Variants in KSR2 observed in about 807,000 individuals in gnomAD.
KSR2 encodes the protein kinase suppressor of ras 2.
KSR2 carries 25 observed loss-of-function variants against 107.8 expected under a neutral mutation model. The ratio of observed to expected loss-of-function variants is 0.23; its 90% CI spans 0.17 to 0.32. The LOEUF (loss-of-function observed/expected upper bound fraction) is 0.32. Ranked by LOEUF, KSR2 falls within the 10% of genes least tolerant of loss-of-function variation. The pLI, the probability that KSR2 is intolerant of heterozygous loss-of-function variation, is 1.00. For synonymous variants in KSR2, 480 were observed against 507.0 expected (o/e 0.95, Z 0.71); for missense variants, 887 against 1,268.9 (o/e 0.70, Z 4.57).
At chr12:117,690,027 G>A (rs1162813651) in intron 4 of KSR2, among the ~76,000 whole-genome samples, 1 of 151,826 alleles carries the variant, frequency 6.6e-6, no homozygotes, top group Non-Finnish European at 1.5e-5. Context: ...GAGAAGGAGG[G>A]AAGAATGAAT....
intron 7 of KSR2, among the ~76,000 whole-genome samples, chr12:117,572,699 TA>T (rs35907962): frequency 0.15 from 18,905 of 123,538 alleles, 1,398 homozygotes; most frequent in South Asian, 0.32. Context: ...TCCAGCCCAT[TA>T]AAAAAAAAAA....
chr12:117,469,975 T>G (rs1370234445), intron 18 of KSR2, among the ~76,000 whole-genome samples, 180 bp from the exon 19 acceptor site: 3 of 144,126 alleles, frequency 2.1e-5, no homozygotes, highest in Non-Finnish European at 4.5e-5. Context: ...CATCTACCCA[T>G]CCAATCAATT....
chr12:117,707,832 G>A (rs1886588541), intron 4 of KSR2, among the ~76,000 whole-genome samples: 1 of 152,124 alleles, frequency 6.6e-6, no homozygotes, highest in African/African-American at 2.4e-5. Flanking sequence ...AGGGGATAGG[G>A]GTTGCAAATA....
intron 14 of KSR2, among the ~76,000 whole-genome samples, chr12:117,514,991 T>A (rs1938311243): frequency 6.6e-6 from 1 of 152,184 alleles, no homozygotes; most frequent in South Asian, 2.1e-4. Context: ...TCCCTTCTTG[T>A]CCATCTGCCT....
At chr12:117,571,929 C>G (rs16947739) in intron 7 of KSR2, among the ~76,000 whole-genome samples, 17,162 of 151,986 alleles carry the variant, frequency 0.11, 1,539 homozygotes, top group African/African-American at 0.23. Flanking sequence ...AGTCCAAGAT[C>G]GCTTTTCTAG....
intron 1 of KSR2, among the ~76,000 whole-genome samples, chr12:117,944,684 C>A (rs1230546598): frequency 6.6e-6 from 1 of 151,410 alleles, no homozygotes; most frequent in Non-Finnish European, 1.5e-5. Flanking sequence ...AGCAAGACCC[C>A]CATCTCTACA....
intron 3 of KSR2, among the ~76,000 whole-genome samples, chr12:117,819,629 A>G (rs1252077380): frequency 6.6e-6 from 1 of 152,244 alleles, no homozygotes; most frequent in African/African-American, 2.4e-5. Context: ...CACGTTCAAA[A>G]GAAGTGGAAT....
chr12:117,470,372 T>A (rs1871374793), intron 18 of KSR2, among the ~76,000 whole-genome samples: 1 of 151,566 alleles, frequency 6.6e-6, no homozygotes, highest in South Asian at 2.1e-4. Context: ...TCTCATTAAT[T>A]CTTCATCCTT....
rs1457337739 is a variant in KSR2 at position 117,565,482 on chromosome 12, G to A, written c.1326-6909C>T. ...CCTGAACAGCAATCTCTTAAGAGGT[G>A]TATATTGTTACACCCATGTAATATG... On this transcript the variant is annotated intron_variant, in intron 7 of 19. Transcript: ENST00000339824. 2.6e-5 allele frequency among the ~76,000 whole-genome samples: 4 copies of A among 152,166 alleles called. No homozygotes were observed. The East Asian group carries it at 5.8e-4, about 22-fold the overall frequency.
At position 117,865,466 on chromosome 12, in the gene KSR2, G is replaced by T. The variant is rs967484402; in HGVS notation, c.181-5035C>A. 2.0e-5 allele frequency among the ~76,000 whole-genome samples: 3 copies of T among 152,142 alleles called. No homozygotes were observed. The East Asian group carries it at 5.8e-4, about 29-fold the overall frequency. On this transcript the variant is annotated intron_variant, in intron 1 of 19. Coordinates refer to ENST00000339824, the MANE Select transcript of KSR2 (RefSeq NM_173598.6). ...ATGTTGTATTTCAAACATTGCAAAA[G>T]AAATAAGGATCTGGTCCCTTTAAAA...
intron 4 of KSR2, among the ~76,000 whole-genome samples, chr12:117,702,755 A>T (rs142474111): frequency 1.3e-5 from 2 of 152,086 alleles, no homozygotes; most frequent in Non-Finnish European, 2.9e-5. Context: ...GTCTCCAATC[A>T]CTTTCAAATG....
chr12:117,749,623 T>C (rs1228014427), intron 4 of KSR2, among the ~76,000 whole-genome samples: 1 of 152,178 alleles, frequency 6.6e-6, no homozygotes, highest in Non-Finnish European at 1.5e-5. Context: ...AATTTTCCAT[T>C]GTGGAACTTC....
chr12:117,746,675 T>C (rs557223021), intron 4 of KSR2, among the ~76,000 whole-genome samples: 2 of 152,024 alleles, frequency 1.3e-5, no homozygotes, highest in Non-Finnish European at 2.9e-5. Context: ...ATTTTTGCAA[T>C]CTACTCATCT....
intron 14 of KSR2, among the ~76,000 whole-genome samples, chr12:117,505,973 AT>A (rs1415380200): frequency 2.0e-5 from 3 of 152,164 alleles, no homozygotes; most frequent in Non-Finnish European, 4.4e-5. Flanking sequence ...TGATTCCTGA[AT>A]TCCTATCTTC....
intron 3 of KSR2, among the ~76,000 whole-genome samples, chr12:117,819,333 A>T (rs1745815454): frequency 6.6e-6 from 1 of 152,230 alleles, no homozygotes; most frequent in Non-Finnish European, 1.5e-5. Context: ...TCCAGCAAAC[A>T]TCTACTACGG....
intron 3 of KSR2, among the ~76,000 whole-genome samples, chr12:117,821,954 G>A (rs972980122): frequency 5.9e-5 from 9 of 152,260 alleles, no homozygotes; most frequent in Admixed American, 2.0e-4. Flanking sequence ...GGGATGGGAG[G>A]TTGGCAAGAA....
At chr12:117,694,845 C>CTTTTTTTTTT (rs34228762) in intron 4 of KSR2, among the ~76,000 whole-genome samples, 1 of 99,104 alleles carries the variant, frequency 1.0e-5, no homozygotes, top group Non-Finnish European at 1.9e-5. Context: ...TTGTATGATT[C>CTTTTTTTTTT]TTTTTTTTTT....
In KSR2 at chr12:117,455,684, G is replaced by T. The variant is rs1011768520; in HGVS notation, c.*11515C>A. On this transcript the variant is annotated 3_prime_UTR_variant, in exon 20 of 20. Coordinates refer to ENST00000339824, the MANE Select transcript of KSR2 (RefSeq NM_173598.6). The stretch of plus-strand genomic sequence containing the variant: ...AAGATTTGGGGAATGAAGGGACAAG[G>T]TTGCTCCACGCTGGGCTCTGCTGAG... The T allele has an allele frequency of 6.6e-6, 1 of 152,206 alleles. No individual in the cohort carries two copies. The highest frequency in any genetic ancestry group is 2.4e-5 in the African/African-American group (1 of 41,434). 9.4% of individuals were successfully genotyped at this position (152,206 alleles called of 1,614,324 possible). A position where few individuals can be genotyped will look rare whatever the true frequency, so the allele number is the denominator to read the frequency against.
chr12:117,820,440 C>T (rs570606117), intron 3 of KSR2, among the ~76,000 whole-genome samples: 45 of 152,296 alleles, frequency 3.0e-4, no homozygotes, highest in African/African-American at 6.7e-4. Flanking sequence ...GACAGACCTG[C>T]GGATCGTTTT....
Sources: allele counts gnomAD v4.1 joint callset (sites outside exome capture counted in the v4.1 genomes callset), GRCh38; gene constraint gnomAD v4.1.1; transcripts MANE v1.5; gene names NCBI Gene and HGNC (gene_info 2026-07-23, HGNC 2026-07-21).